INPP5B: variants seen among roughly 807,000 people sequenced by gnomAD.
The protein encoded by INPP5B is type II inositol 1,4,5-trisphosphate 5-phosphatase.
INPP5B carries 90 observed loss-of-function variants against 118.5 expected under a neutral mutation model. The observed-to-expected ratio is 0.76, with a 90% CI of 0.64 to 0.90. INPP5B has a LOEUF of 0.90. Ranked by LOEUF, INPP5B falls within the 40% of genes least tolerant of loss-of-function variation. The probability of loss-of-function intolerance (pLI) is 0.00; values close to 1 mark genes in which losing one functional copy is unlikely to be tolerated. For missense variants in INPP5B, 984 were observed against 1,125.6 expected (o/e 0.87, Z 1.80); for synonymous variants, 385 against 418.9 (o/e 0.92, Z 0.99).
At chr1:37,892,161 T>C (rs1292929609) in intron 7 of INPP5B, among the ~76,000 whole-genome samples, 1 of 152,234 alleles carries the variant, frequency 6.6e-6, no homozygotes, top group Non-Finnish European at 1.5e-5. Context: ...TGTCCTGCCT[T>C]CTTCACAGGT....
Position 37,873,122 on chromosome 1 carries a change from C to T in INPP5B, c.1995G>A (p.Met665Ile), listed in dbSNP as rs998620800. 4.3e-6 allele frequency: 7 copies of T among 1,613,910 alleles called. No individual in the cohort carries two copies. The highest frequency in any genetic ancestry group is 2.2e-5 in the East Asian group (1 of 44,882). Residue 665 changes from methionine (M) to isoleucine (I), a missense_variant, in exon 19 of 24, where the codon ATG becomes ATA. By Grantham distance (10) the Met-to-Ile change is conservative (BLOSUM62 1). Around this residue, in one of 2 missense-constraint regions of INPP5B, gnomAD observed 634 missense variants for 791.0 expected, o/e 0.80. Transcript: ENST00000373024. ...EIDLELFVNK[M>I]TATKLNSGED... The stretch of plus-strand genomic sequence containing the variant: ...CACCCGAGTTGAGCTTTGTAGCTGT[C>T]ATCTTATTTACGAAGAGCTCCAAGT...
At position 37,907,219 on chromosome 1, in the gene INPP5B, A is replaced by G. The variant is rs1372444253; in HGVS notation, c.533-15765T>C. ...TGTACTCTTTGTGTAGAAACGCACA[A>G]TAAGCTTACTGAATGTTTTCTTAAA... On this transcript the variant is annotated intron_variant, in intron 7 of 23. Transcript: ENST00000373024. The surrounding 1 kb of genome is among the most constrained non-coding windows in gnomAD (Gnocchi z 4.3). Among the ~76,000 whole-genome samples, 1 of 152,224 alleles carries G rather than the reference A, an allele frequency of 6.6e-6. No homozygotes were observed. Among genetic ancestry groups the G allele is most frequent in the East Asian group, 1.9e-4 (1 of 5,206 alleles).
chr1:37,945,793 C>A lies in INPP5B; in HGVS notation c.115G>T (p.Val39Leu). The change falls in exon 3 of 24, where the codon GTG (valine) becomes TTG (leucine). Residue 39 changes from valine (V) to leucine (L), a missense_variant. By Grantham distance (32) the Val-to-Leu change is conservative. Around this residue, in one of 2 missense-constraint regions of INPP5B, gnomAD observed 350 missense variants for 334.6 expected, o/e 1.05. Coordinates refer to ENST00000373024, the MANE Select transcript of INPP5B (RefSeq NM_005540.3). ...CCGCCGTGCTCCAGGCGGTAGCGCA[C>A]GAGTCCCAGGAGGCGGCTCTGCCGG... ...DSRQSRLLGL[V>L]RYRLEHGGQE... 1 of 1,614,036 alleles carries A rather than the reference C, an allele frequency of 6.2e-7. No homozygotes were observed. Among genetic ancestry groups the A allele is most frequent in the Non-Finnish European group, 8.5e-7 (1 of 1,179,996 alleles).
chr1:37,901,217 T>G (rs1281625248), intron 7 of INPP5B, among the ~76,000 whole-genome samples: 2 of 152,232 alleles, frequency 1.3e-5, no homozygotes, highest in Non-Finnish European at 2.9e-5. Context: ...CCTTGCCCAG[T>G]GCACAGCAGG....
At chr1:37,939,752 AT>A (rs1469675887) in intron 6 of INPP5B, among the ~76,000 whole-genome samples, 2 of 150,252 alleles carry the variant, frequency 1.3e-5, no homozygotes, top group East Asian at 4.0e-4. Context: ...CTGTTATTTT[AT>A]TTTTTAGAGA....
chr1:37,916,313 C>T (rs779068063), intron 7 of INPP5B, among the ~76,000 whole-genome samples: 5 of 151,896 alleles, frequency 3.3e-5, no homozygotes, highest in Admixed American at 1.3e-4. Flanking sequence ...AGTCTGGTCT[C>T]GAACTCCTGA....
chr1:37,900,324 A>G (rs1256092550), intron 7 of INPP5B, among the ~76,000 whole-genome samples: 1 of 150,672 alleles, frequency 6.6e-6, no homozygotes, highest in East Asian at 2.0e-4. Flanking sequence ...GTGCGATCTC[A>G]ACTCACTGCA....
intron 7 of INPP5B, among the ~76,000 whole-genome samples, chr1:37,914,799 C>T (rs1432100304): frequency 1.3e-5 from 2 of 152,180 alleles, no homozygotes; most frequent in African/African-American, 4.8e-5. Context: ...ACCTCTACAC[C>T]TAGACCACTA....
chr1:37,873,974 C>A lies in INPP5B; in HGVS notation c.1951+19G>T. The A allele has an allele frequency of 6.6e-7, 1 of 1,518,990 alleles. No individual in the cohort carries two copies. The highest frequency in any genetic ancestry group is 8.9e-7 in the Non-Finnish European group (1 of 1,120,602). 94.1% of individuals were successfully genotyped at this position (1,518,990 alleles called of 1,614,324 possible). ...ATTCCCCAAACCAGATACCAGGAAGCTAGGAACAGAGGCCTTACCTGGCAG... is the reference window on the plus strand; with the variant it reads ...ATTCCCCAAACCAGATACCAGGAAGATAGGAACAGAGGCCTTACCTGGCAG... On this transcript the variant is annotated intron_variant, in intron 18 of 23. Transcript: ENST00000373024.
rs1642195587 is a variant in INPP5B at position 37,868,567 on chromosome 1, G to A, written c.2235C>T (p.Ser745=). The change falls in exon 20 of 24, where the codon AGC becomes AGT. Residue 745 remains serine, a synonymous_variant. Coordinates refer to ENST00000373024, the MANE Select transcript of INPP5B (RefSeq NM_005540.3). ...AGAGCTCTTTGGGGATTTCCATGGG[G>A]CTATCCAACTGGCTCCCATCATCTC... ...WTGDDGSQLD[S]PMEIPKELWM... 2 of 1,613,748 alleles carry A rather than the reference G, an allele frequency of 1.2e-6. No individual in the cohort carries two copies. The highest frequency in any genetic ancestry group is 1.3e-5 in the African/African-American group (1 of 74,920).
chr1:37,891,974 T>C (rs1343369296), intron 7 of INPP5B, among the ~76,000 whole-genome samples: 2 of 152,232 alleles, frequency 1.3e-5, no homozygotes, highest in African/African-American at 4.8e-5. Flanking sequence ...GTATCTTTAC[T>C]GCTGAAAGTG....
intron 7 of INPP5B, among the ~76,000 whole-genome samples, chr1:37,902,817 C>CAA (rs1644379439): frequency 6.6e-6 from 1 of 151,944 alleles, no homozygotes; most frequent in Non-Finnish European, 1.5e-5. Flanking sequence ...CTCAGCCTCC[C>CAA]AAAATATATT....
At chr1:37,930,214 T>C (rs1158869435) in intron 7 of INPP5B, 3 of 152,192 alleles carry the variant, frequency 2.0e-5, no homozygotes, top group Non-Finnish European at 4.4e-5. Context: ...CGCGCCACCA[T>C]GTTCAGCTTT....
At chr1:37,926,166 C>T (rs973467516) in intron 7 of INPP5B, among the ~76,000 whole-genome samples, 4 of 152,156 alleles carry the variant, frequency 2.6e-5, no homozygotes, top group South Asian at 2.1e-4. Flanking sequence ...TTTATGTTAC[C>T]CTGAGATATA....
intron 22 of INPP5B, 193 bp from the exon 23 acceptor site, chr1:37,864,616 CT>C: frequency 2.2e-6 from 1 of 447,108 alleles, no homozygotes; most frequent in Non-Finnish European, 4.0e-6. Context: ...AGAAGTCAAA[CT>C]TTTAACTACA....
intron 19 of INPP5B, among the ~76,000 whole-genome samples, chr1:37,868,958 G>A (rs980676506): frequency 1.3e-5 from 2 of 152,016 alleles, no homozygotes; most frequent in South Asian, 2.1e-4. Flanking sequence ...TGAGTTCAAG[G>A]CCCAGGTCCA....
rs577738152 is a variant in INPP5B, at chr1:37,934,279, C to T, written c.392-2226G>A. Among the ~76,000 whole-genome samples, 116 of 152,202 alleles carry T rather than the reference C, an allele frequency of 7.6e-4. 1 individual carries two copies. Among genetic ancestry groups the T allele is most frequent in the Non-Finnish European group, 1.6e-4 (11 of 68,020 alleles). ...TGATCTTGGGTAAGTTGCTTGCCTCCTCTGTGTCAATTTACTCGTCTGTAA... is the reference window on the plus strand; with the variant it reads ...TGATCTTGGGTAAGTTGCTTGCCTCTTCTGTGTCAATTTACTCGTCTGTAA... On this transcript the variant is annotated intron_variant, in intron 6 of 23. Coordinates refer to ENST00000373024, the MANE Select transcript of INPP5B (RefSeq NM_005540.3).
chr1:37,894,539 T>C (rs1643947123), intron 7 of INPP5B, among the ~76,000 whole-genome samples: 1 of 151,594 alleles, frequency 6.6e-6, no homozygotes, highest in South Asian at 2.1e-4. Flanking sequence ...TGAATCCCCA[T>C]GCGTCTATGT....
chr1:37,931,298 C>A, intron 7 of INPP5B: 1 of 599,346 alleles, frequency 1.7e-6, no homozygotes, highest in Non-Finnish European at 2.6e-6. Context: ...AGGCAGGGCA[C>A]CACTCCCCCA....
Sources: gnomAD v4.1 joint callset for allele counts (sites outside exome capture counted in the v4.1 genomes callset) on GRCh38, gnomAD v4.1.1 for gene constraint, gnomAD v4.1.1 regional missense constraint, Gnocchi (gnomAD v3.1) non-coding constraint, MANE v1.5 for transcripts, NCBI Gene and HGNC (gene_info 2026-07-23, HGNC 2026-07-21) for gene names.